Variants in KLRD1 observed in about 807,000 individuals in gnomAD.
KLRD1 encodes killer cell lectin like receptor D1, also known as natural killer cells antigen CD94.
KLRD1 carries 21 observed loss-of-function variants against 22.6 expected under a neutral mutation model. The ratio of observed to expected loss-of-function variants is 0.93; its 90% CI spans 0.66 to 1.34. KLRD1 has a LOEUF of 1.34. KLRD1 is among the 40% of genes most tolerant of loss of function. KLRD1 has a pLI of 0.00. For synonymous variants in KLRD1, 59 were observed against 71.1 expected, an observed-to-expected ratio of 0.83 and a Z score of 0.85; for missense variants, 183 against 208.6, an observed-to-expected ratio of 0.88 and a Z score of 0.76.
intron 2 of KLRD1, 67 bp from the exon 3 acceptor site, chr12:10,309,559 A>G: frequency 2.3e-6 from 3 of 1,298,898 alleles, no homozygotes; most frequent in Non-Finnish European, 3.4e-6. Context: ...CATCTTGCTA[A>G]TGTGTAATAT....
rs137861212 is a variant in KLRD1 at position 10,250,201 on chromosome 12, C to CT, written c.-101+23994dup. On this transcript the variant is annotated intron_variant, in intron 1 of 5. Coordinates refer to the KLRD1 transcript ENST00000544747. ...TTCCCAAGGTGGTGATAACGTTTTG[C>CT]TTTTTTTTTTTTTTTTTTTTTTTTT... Among the ~76,000 whole-genome samples the CT allele has an allele frequency of 3.1e-3, 290 of 94,544 alleles. 7 individuals are homozygous for CT. The highest frequency in any genetic ancestry group is 0.012 in the African/African-American group (281 of 23,140). The allele number at this position is 94,544 out of a possible 152,430, so 62.0% of individuals were successfully genotyped here. A position where few individuals can be genotyped will look rare whatever the true frequency, so the allele number is the denominator to read the frequency against.
chr12:10,308,472 A>C (rs1234823954), intron 1 of KLRD1: 4 of 223,020 alleles, frequency 1.8e-5, no homozygotes, highest in African/African-American at 9.1e-5. Flanking sequence ...CAAAAATTAC[A>C]CAAATGAACA....
At chr12:10,239,305 A>G (rs1949211379) in intron 1 of KLRD1, among the ~76,000 whole-genome samples, 1 of 152,334 alleles carries the variant, frequency 6.6e-6, no homozygotes, top group African/African-American at 2.4e-5. Flanking sequence ...AAGCCCAGGT[A>G]CCACAAAGAT....
chr12:10,267,606 A>G (rs1235941418), intron 1 of KLRD1, among the ~76,000 whole-genome samples: 5 of 152,202 alleles, frequency 3.3e-5, no homozygotes, highest in Admixed American at 2.0e-4. Flanking sequence ...TAACTGGTAC[A>G]TAAGATATCA....
intron 1 of KLRD1, among the ~76,000 whole-genome samples, chr12:10,258,982 A>T (rs1949424249): frequency 6.6e-6 from 1 of 152,224 alleles, no homozygotes; most frequent in South Asian, 2.1e-4. Flanking sequence ...GAGCAGAGAT[A>T]AATAGAATTA....
At chr12:10,307,190 A>G (rs1565467192), upstream of KLRD1, among the ~76,000 whole-genome samples, 1 of 152,234 alleles carries the variant, frequency 6.6e-6, no homozygotes. Context: ...TCTGAATTAG[A>G]TAACACACTA....
chr12:10,245,443 A>G (rs993472067), intron 1 of KLRD1, among the ~76,000 whole-genome samples: 1 of 152,230 alleles, frequency 6.6e-6, no homozygotes, highest in East Asian at 1.9e-4. Flanking sequence ...TAATAGTCTA[A>G]GAAAGGTTTA....
upstream of KLRD1, among the ~76,000 whole-genome samples, chr12:10,306,412 C>T (rs1949929393): frequency 6.6e-6 from 1 of 152,080 alleles, no homozygotes; most frequent in African/African-American, 2.4e-5. Flanking sequence ...TCTCACCAAA[C>T]AGGGTTCTAA....
intron 3 of KLRD1, 97 bp downstream of exon 3, chr12:10,309,785 A>G (rs879338082): frequency 1.2e-6 from 1 of 834,540 alleles, no homozygotes; most frequent in Admixed American, 2.3e-5. Flanking sequence ...TATTATACTT[A>G]GTAATAGAAA....
intron 1 of KLRD1, among the ~76,000 whole-genome samples, chr12:10,287,926 G>T (rs977427553): frequency 6.6e-5 from 10 of 152,044 alleles, no homozygotes; most frequent in African/African-American, 2.2e-4. Flanking sequence ...AAATTAGCCG[G>T]GCGTGGTGGC....
intron 1 of KLRD1, among the ~76,000 whole-genome samples, chr12:10,273,452 A>G (rs1949566520): frequency 6.6e-6 from 1 of 152,146 alleles, no homozygotes; most frequent in African/African-American, 2.4e-5. Context: ...TTTTTGTGTT[A>G]CTGTTTCTGA....
chr12:10,261,271 A>G (rs1192646010), intron 1 of KLRD1, among the ~76,000 whole-genome samples: 1 of 152,212 alleles, frequency 6.6e-6, no homozygotes, highest in Non-Finnish European at 1.5e-5. Context: ...TATGCCATAA[A>G]TTTACCATCA....
At chr12:10,312,416 T>C (rs1950101163) in intron 4 of KLRD1, among the ~76,000 whole-genome samples, 1 of 150,514 alleles carries the variant, frequency 6.6e-6, no homozygotes, top group Non-Finnish European at 1.5e-5. Flanking sequence ...TCTCGCTCTG[T>C]CGCCCAGGCT....
At chr12:10,261,454 G>A (rs549160864) in intron 1 of KLRD1, among the ~76,000 whole-genome samples, 4 of 152,248 alleles carry the variant, frequency 2.6e-5, no homozygotes, top group South Asian at 4.1e-4. Flanking sequence ...TGCTGTTAAT[G>A]TCTTTTATTC....
At position 10,325,846 on chromosome 12, in the gene KLRD1, A is replaced by G. The variant is rs1950356454; in HGVS notation, c.*11053A>G. 1 of 152,206 alleles carries G rather than the reference A, an allele frequency of 6.6e-6. No homozygotes were observed. Among genetic ancestry groups the G allele is most frequent in the Admixed American group, 6.5e-5 (1 of 15,274 alleles). The allele number at this position is 152,206 out of a possible 1,614,324, so 9.4% of individuals were successfully genotyped here. ...AATTACCCAGAAAGGGGATTGGTGG[A>G]TCATATGGTAGTTCTATTTTTAATT... On this transcript the variant is annotated 3_prime_UTR_variant, in exon 6 of 6. Coordinates refer to ENST00000336164, the MANE Select transcript of KLRD1 (RefSeq NM_002262.5).
At chr12:10,244,145 G>A (rs574977026) in intron 1 of KLRD1, among the ~76,000 whole-genome samples, 1 of 152,190 alleles carries the variant, frequency 6.6e-6, no homozygotes. Context: ...TGGTAAGGTG[G>A]TTCTGAAGCC....
intron 1 of KLRD1, among the ~76,000 whole-genome samples, chr12:10,239,615 C>G (rs891354724): frequency 7.7e-6 from 1 of 129,894 alleles, no homozygotes; most frequent in Non-Finnish European, 1.6e-5. Flanking sequence ...CTCTTTCTTT[C>G]TTCTTTTCTC....
rs537992023 is a variant in KLRD1, at chr12:10,309,109, C to A, written c.8-279C>A. On this transcript the variant is annotated intron_variant, in intron 1 of 5. Transcript: ENST00000336164. Reference sequence around the variant, plus strand: ...CTTCTACCTCCAGATCTTTAAGCACCTCTGCCAATTTAAAATAAATGGTAA... The same window carrying A: ...CTTCTACCTCCAGATCTTTAAGCACATCTGCCAATTTAAAATAAATGGTAA... 2.5e-4 allele frequency: 71 copies of A among 280,792 alleles called. No homozygotes were observed. The Middle Eastern group carries it at 3.6e-3, about 14-fold the overall frequency. 17.4% of individuals were successfully genotyped at this position (280,792 alleles called of 1,614,324 possible). A position where few individuals can be genotyped will look rare whatever the true frequency, so the allele number is the denominator to read the frequency against.
chr12:10,243,359 A>T (rs1167394120), intron 1 of KLRD1, among the ~76,000 whole-genome samples: 1 of 152,092 alleles, frequency 6.6e-6, no homozygotes, highest in African/African-American at 2.4e-5. Flanking sequence ...CATGCCTGTA[A>T]TCCCAGCACT....
Sources: gnomAD v4.1 joint callset for allele counts (sites outside exome capture counted in the v4.1 genomes callset) on GRCh38, gnomAD v4.1.1 for gene constraint, MANE v1.5 for transcripts, NCBI Gene and HGNC (gene_info 2026-07-23, HGNC 2026-07-21) for gene names.